Variants in SGCZ observed in about 807,000 individuals in gnomAD.
The protein encoded by SGCZ is zeta-sarcoglycan.
A neutral mutation model predicts 41.3 loss-of-function variants in SGCZ; 40 were observed. The observed-to-expected ratio is 0.97, with a 90% CI of 0.75 to 1.26. The LOEUF (loss-of-function observed/expected upper bound fraction) is 1.26, where lower values mean the gene tolerates loss of function less well. Among genes scored for constraint, SGCZ ranks in the 50% most tolerant of loss-of-function variants. SGCZ has a pLI of 0.00. For missense variants in SGCZ, 552 were observed against 369.8 expected (o/e 1.49, Z -4.04); for synonymous variants, 206 against 137.5 (o/e 1.50, Z -3.49).
chr8:14,747,737 C>T (rs932895524), intron 1 of SGCZ, among the ~76,000 whole-genome samples: 1 of 128,252 alleles, frequency 7.8e-6, no homozygotes, highest in Non-Finnish European at 1.8e-5. Context: ...GTGTGTGAGA[C>T]TGAGTCTCAT....
At chr8:14,703,999 T>C (rs1809251150) in intron 1 of SGCZ, among the ~76,000 whole-genome samples, 2 of 152,050 alleles carry the variant, frequency 1.3e-5, no homozygotes, top group East Asian at 1.9e-4. Context: ...TGATTCTTTC[T>C]CTACTTTCTT....
chr8:15,113,310 T>C (rs1807141869), intron 1 of SGCZ, among the ~76,000 whole-genome samples: 2 of 152,214 alleles, frequency 1.3e-5, no homozygotes, highest in Admixed American at 6.5e-5. Flanking sequence ...GCCCTAATTT[T>C]ACTTCATCTC....
intron 1 of SGCZ, among the ~76,000 whole-genome samples, chr8:14,629,816 C>T (rs1783262421): frequency 6.6e-6 from 1 of 151,996 alleles, no homozygotes; most frequent in Non-Finnish European, 1.5e-5. Flanking sequence ...TGAGATGCTT[C>T]ATGACTCAAA....
intron 2 of SGCZ, among the ~76,000 whole-genome samples, chr8:14,446,554 T>C (rs1332162481): frequency 6.6e-6 from 1 of 152,194 alleles, no homozygotes; most frequent in African/African-American, 2.4e-5. Flanking sequence ...TCCATAACAA[T>C]ACTAAGTCAA....
chr8:14,091,931 T>C (rs1801700562), intron 7 of SGCZ, among the ~76,000 whole-genome samples: 1 of 152,184 alleles, frequency 6.6e-6, no homozygotes, highest in Non-Finnish European at 1.5e-5. Flanking sequence ...AGTTTTCTTC[T>C]AGGGTTTTTA....
chr8:14,242,351 G>T (rs970021783), intron 3 of SGCZ, among the ~76,000 whole-genome samples: 1 of 152,160 alleles, frequency 6.6e-6, no homozygotes, highest in African/African-American at 2.4e-5. Flanking sequence ...AGATCATCCA[G>T]TTATGAAGCT....
chr8:14,972,988 C>T (rs943911166), intron 1 of SGCZ, among the ~76,000 whole-genome samples: 3 of 152,288 alleles, frequency 2.0e-5, no homozygotes, highest in African/African-American at 7.2e-5. Context: ...CTTCCTCCTT[C>T]TTTGTGTGCC....
intron 5 of SGCZ, among the ~76,000 whole-genome samples, chr8:14,128,407 T>C (rs544752344): frequency 5.9e-5 from 9 of 152,240 alleles, no homozygotes; most frequent in African/African-American, 2.2e-4. Flanking sequence ...AAATAACACA[T>C]TGGTGAGGAT....
At chr8:14,267,688 T>C (rs1297635259) in intron 3 of SGCZ, among the ~76,000 whole-genome samples, 2 of 152,122 alleles carry the variant, frequency 1.3e-5, no homozygotes, top group Admixed American at 6.6e-5. Flanking sequence ...GTGAATATGA[T>C]ACATTTGTAA....
At chr8:14,540,095 A>G (rs954686570) in intron 2 of SGCZ, among the ~76,000 whole-genome samples, 5 of 151,900 alleles carry the variant, frequency 3.3e-5, no homozygotes, top group Non-Finnish European at 5.9e-5. Flanking sequence ...AAATAAACTA[A>G]TCTATCCTGG....
At chr8:14,198,277 A>G (rs1300460492) in intron 4 of SGCZ, among the ~76,000 whole-genome samples, 1 of 152,218 alleles carries the variant, frequency 6.6e-6, no homozygotes, top group African/African-American at 2.4e-5. Context: ...TTATTAGATT[A>G]ACTGTCATGG....
chr8:15,209,595 T>A (rs1239620305), intron 1 of SGCZ, among the ~76,000 whole-genome samples: 2 of 152,074 alleles, frequency 1.3e-5, no homozygotes, highest in African/African-American at 4.8e-5. Flanking sequence ...ATAGACATTT[T>A]GCTTAAGTTA....
intron 2 of SGCZ, among the ~76,000 whole-genome samples, chr8:14,525,022 T>C (rs1802896809): frequency 6.6e-6 from 1 of 152,086 alleles, no homozygotes; most frequent in East Asian, 1.9e-4. Context: ...TTGTCCTTTA[T>C]TCACAGATAG....
At chr8:15,209,172 T>A (rs563932750) in intron 1 of SGCZ, among the ~76,000 whole-genome samples, 48 of 152,174 alleles carry the variant, frequency 3.2e-4, no homozygotes, top group Admixed American at 6.5e-4. Context: ...TTTAGAGCAA[T>A]AATTAAATGA....
intron 1 of SGCZ, among the ~76,000 whole-genome samples, chr8:14,988,764 C>T (rs1159509054): frequency 6.6e-6 from 1 of 152,016 alleles, no homozygotes; most frequent in Non-Finnish European, 1.5e-5. Context: ...ACGAAGGAAG[C>T]TATAACTATG....
chr8:14,342,437 C>A (rs1802742869), intron 2 of SGCZ, among the ~76,000 whole-genome samples: 1 of 152,148 alleles, frequency 6.6e-6, no homozygotes, highest in African/African-American at 2.4e-5. Flanking sequence ...CTGCCTCAGC[C>A]TCCCAGTAGC....
chr8:14,513,862 C>A (rs1023131281), intron 2 of SGCZ, among the ~76,000 whole-genome samples: 7 of 151,884 alleles, frequency 4.6e-5, no homozygotes, highest in Non-Finnish European at 2.9e-5. Flanking sequence ...TTTGTAACTA[C>A]TCTCTGTGCA....
intron 2 of SGCZ, among the ~76,000 whole-genome samples, chr8:14,467,239 A>G (rs916026685): frequency 6.6e-6 from 1 of 151,710 alleles, no homozygotes; most frequent in Non-Finnish European, 1.5e-5. Flanking sequence ...CTAGTCTTTA[A>G]TACCTGGATT....
At chr8:14,679,739 G>A (rs925100945) in intron 1 of SGCZ, among the ~76,000 whole-genome samples, 1 of 151,960 alleles carries the variant, frequency 6.6e-6, no homozygotes, top group Non-Finnish European at 1.5e-5. Flanking sequence ...GTCCCCAATA[G>A]TGCATAGTAA....
Sources: gnomAD v4.1 joint callset for allele counts (sites outside exome capture counted in the v4.1 genomes callset) on GRCh38, gnomAD v4.1.1 for gene constraint, MANE v1.5 for transcripts, NCBI Gene and HGNC (gene_info 2026-07-23, HGNC 2026-07-21) for gene names.